The following CPLANE1 variants were observed in gnomAD, a reference collection of about 807,000 sequenced individuals.
CPLANE1 encodes ciliogenesis and planar polarity effector 1.
In CPLANE1, 263 loss-of-function variants were observed where a neutral mutation model predicts 362.5. The ratio of observed to expected loss-of-function variants is 0.73; its 90% CI spans 0.66 to 0.80. The LOEUF (loss-of-function observed/expected upper bound fraction) is 0.80. Ranked by LOEUF, CPLANE1 falls within the 30% of genes least tolerant of loss-of-function variation. The pLI is 0.00. For missense variants in CPLANE1, 3,461 were observed against 3,793.4 expected, an observed-to-expected ratio of 0.91 and a Z score of 2.30; for synonymous variants, 1,212 against 1,302.6, an observed-to-expected ratio of 0.93 and a Z score of 1.50.
chr5:37,135,662 G>A (rs1041985494), intron 46 of CPLANE1, among the ~76,000 whole-genome samples: 2 of 151,978 alleles, frequency 1.3e-5, no homozygotes, highest in African/African-American at 4.8e-5. Context: ...GTGAAACCCT[G>A]TCTCTACTAA....
At chr5:37,081,441 G>A in the CPLANE1 span, among the ~76,000 whole-genome samples, 1 of 152,018 alleles carries the variant, frequency 6.6e-6, no homozygotes, top group African/African-American at 2.4e-5. Context: ...TCCTTGTTCA[G>A]CCTCCGGAGT....
chr5:37,168,508 T>TA lies in CPLANE1; in HGVS notation c.7233+282_7233+283insT, dbSNP rs1778910336. On this transcript the variant is annotated intron_variant, in intron 34 of 52. Coordinates refer to ENST00000651892, the MANE Select transcript of CPLANE1 (RefSeq NM_001384732.1). ...GACCTAAAACCTTTAAAATACACAA[T>TA]TTTTTTTTAATAGAGACAGCTTCTC... Among the ~76,000 whole-genome samples, 3 of 110,386 alleles carry TA rather than the reference T, an allele frequency of 2.7e-5. No homozygotes were observed. The South Asian group carries it at 7.8e-4, about 29-fold the overall frequency. 72.4% of individuals were successfully genotyped at this position (110,386 alleles called of 152,430 possible).
Position 37,195,737 on chromosome 5 carries a change from C to T in CPLANE1, c.3811+121G>A, listed in dbSNP as rs1229169468. On this transcript the variant is annotated intron_variant, in intron 21 of 52. Transcript: ENST00000651892. The stretch of plus-strand genomic sequence containing the variant: ...CATAGCTGTTAAAGTACAATATTTA[C>T]TTGTAAACACAAAGTAAAATATCAG... 4.4e-6 allele frequency: 4 copies of T among 916,558 alleles called. No homozygotes were observed. In the African/African-American group the frequency reaches 6.9e-5, roughly 16 times the overall value. 56.8% of individuals were successfully genotyped at this position (916,558 alleles called of 1,614,324 possible). A position where few individuals can be genotyped will look rare whatever the true frequency, so the allele number is the denominator to read the frequency against.
rs577423113 is a variant in CPLANE1, at chr5:37,142,107, A to G, written c.8632+203T>C. The G allele has an allele frequency of 1.1e-5, 12 of 1,075,416 alleles. No homozygotes were observed. The South Asian group carries it at 5.7e-4, about 51-fold the overall frequency. 66.6% of individuals were successfully genotyped at this position (1,075,416 alleles called of 1,614,324 possible). On this transcript the variant is annotated intron_variant, in intron 44 of 52. Coordinates refer to ENST00000651892, the MANE Select transcript of CPLANE1 (RefSeq NM_001384732.1). ...AATAAGTTACACCAAGATATGATAC[A>G]TAATTGCAGTATGTCTTATGAAGGT...
chr5:37,094,579 C>T, the CPLANE1 span, among the ~76,000 whole-genome samples: 4 of 151,988 alleles, frequency 2.6e-5, no homozygotes, highest in African/African-American at 4.8e-5. Flanking sequence ...AGGAAATAAC[C>T]AAGGTCAAAG....
At chr5:37,076,217 G>A in the CPLANE1 span, among the ~76,000 whole-genome samples, 1 of 150,558 alleles carries the variant, frequency 6.6e-6, no homozygotes, top group Non-Finnish European at 1.5e-5. Context: ...TCACACCACT[G>A]CACTCTAGCC....
chr5:37,120,156 T>C (rs1762229850), intron 50 of CPLANE1, 60 bp downstream of exon 50: 3 of 1,535,520 alleles, frequency 2.0e-6, no homozygotes, highest in Middle Eastern at 1.7e-4. Context: ...AAACACAACT[T>C]TGGAGACAAG....
Position 37,186,320 on chromosome 5 carries a change from A to C in CPLANE1, c.4155T>G (p.Ser1385=), listed in dbSNP as rs7710847. ...VRVPLRDKYH[S]LHQRLRHCVV... Reference sequence around the variant, plus strand: ...CACAGTGTCTGAGTCTCTGGTGAAGAGAGTGATATTTGTCTCTTAAAGGAA... The same window carrying C: ...CACAGTGTCTGAGTCTCTGGTGAAGCGAGTGATATTTGTCTCTTAAAGGAA... Residue 1385 remains serine (S), a synonymous_variant, in exon 24 of 53, where the codon TCT becomes TCG. Coordinates refer to ENST00000651892, the MANE Select transcript of CPLANE1 (RefSeq NM_001384732.1). 6.3e-7 allele frequency: 1 copy of C among 1,594,544 alleles called. No individual in the cohort carries two copies. The highest frequency in any genetic ancestry group is 8.6e-7 in the Non-Finnish European group (1 of 1,162,426).
intron 21 of CPLANE1, among the ~76,000 whole-genome samples, chr5:37,188,862 A>G (rs1481483814): frequency 6.6e-6 from 1 of 151,978 alleles, no homozygotes; most frequent in Non-Finnish European, 1.5e-5. Flanking sequence ...TTATTTTATT[A>G]TGATTATTTT....
At position 37,107,261 on chromosome 5, in the gene CPLANE1, AGAG is replaced by A; in HGVS notation, c.*338_*340del. On this transcript the variant is annotated 3_prime_UTR_variant, in exon 53 of 53. Transcript: ENST00000651892. ...TGTATATGGTTGTTTCTCAAAACTC[AGAG>A]GGTAATAAAGGAGGAGGCAAGATAG... 9.7e-7 allele frequency: 1 copy of A among 1,028,446 alleles called. No homozygotes were observed. 63.7% of individuals were successfully genotyped at this position (1,028,446 alleles called of 1,614,324 possible).
chr5:37,182,712 T>C (rs1782994749), intron 26 of CPLANE1, 48 bp downstream of exon 26: 5 of 1,137,752 alleles, frequency 4.4e-6, no homozygotes, highest in Non-Finnish European at 5.0e-6. Flanking sequence ...AGTTTTAATC[T>C]AAAATGAGAA....
rs1461942415 is a variant in CPLANE1 at position 37,227,039 on chromosome 5, T to C, written c.1556A>G (p.His519Arg). 1.3e-6 allele frequency: 2 copies of C among 1,547,710 alleles called. No individual in the cohort carries two copies. Among genetic ancestry groups the C allele is most frequent in the Admixed American group, 2.0e-5 (1 of 50,252 alleles). Residue 519 changes from histidine (H) to arginine (R), a missense_variant, in exon 12 of 53, where the codon CAC (histidine) becomes CGC (arginine). By Grantham distance (29) the His-to-Arg change is conservative. Around this residue, in one of 2 missense-constraint regions of CPLANE1, gnomAD observed 3,380 missense variants for 3,666.1 expected, o/e 0.92. Transcript: ENST00000651892. ...AAAAGGACATAAGTTGTCTGGAAAG[T>C]GTCTGCCTTCGTTAGTTTCTTCTGC... is the stretch of plus-strand genomic sequence containing the variant. ...FEAEETNEGR[H>R]FPDNLCPFWN...
chr5:37,163,205 T>C (rs761024232), intron 37 of CPLANE1, among the ~76,000 whole-genome samples: 3 of 152,192 alleles, frequency 2.0e-5, no homozygotes, highest in Non-Finnish European at 4.4e-5. Flanking sequence ...TGAGTGGATA[T>C]ACCTAGTAAT....
rs1285375657 is a variant in CPLANE1, at chr5:37,221,305, A to G, written c.2746+19T>C. On this transcript the variant is annotated intron_variant, in intron 15 of 52. Transcript: ENST00000651892. ...CTGTCTCTTTTTAAAAATACAAAGA[A>G]AGAAAAAAAAAAGCATACCTGAAAA... is the stretch of plus-strand genomic sequence containing the variant. The G allele has an allele frequency of 1.4e-6, 2 of 1,468,002 alleles. No individual in the cohort carries two copies. Among genetic ancestry groups the G allele is most frequent in the Non-Finnish European group, 9.0e-7 (1 of 1,107,984 alleles). The allele number at this position is 1,468,002 out of a possible 1,614,324, so 90.9% of individuals were successfully genotyped here. A position where few individuals can be genotyped will look rare whatever the true frequency, so the allele number is the denominator to read the frequency against.
At chr5:37,214,046 T>C (rs1443597553) in intron 15 of CPLANE1, among the ~76,000 whole-genome samples, 4 of 152,094 alleles carry the variant, frequency 2.6e-5, no homozygotes, top group Admixed American at 6.6e-5. Context: ...TTTGTAGGCA[T>C]ACCACATAAC....
chr5:37,184,891 T>G lies in CPLANE1; in HGVS notation c.4378A>C (p.Ser1460Arg), dbSNP rs1388538165. ...RYSLGTSLSR[S>R]TLTELGDSVV... ...GAATCTCCTAGTTCTGTGAGTGTAC[T>G]TCTGCTCAAACTAGTCCCCAGGGAA... The change falls in exon 25 of 53, where the codon AGT becomes CGT. Residue 1460 changes from serine (S) to arginine (R), a missense_variant. By Grantham distance (110) the Ser-to-Arg change is moderately radical (BLOSUM62 -1). Coordinates refer to ENST00000651892, the MANE Select transcript of CPLANE1 (RefSeq NM_001384732.1). The G allele has an allele frequency of 2.5e-6, 4 of 1,614,008 alleles. No homozygotes were observed. Among genetic ancestry groups the G allele is most frequent in the East Asian group, 2.2e-5 (1 of 44,884 alleles).
At position 37,182,829 on chromosome 5, in the gene CPLANE1, A is replaced by G; in HGVS notation, c.5352T>C (p.Ile1784=). ...VIRVKTSTAA[I]LTSLWLLEQP... is the part of the protein sequence containing the mutation. The stretch of plus-strand genomic sequence containing the variant: ...GTTCCAAAAGCCATAATGATGTAAG[A>G]ATGGCAGCTGTAGAGGTCTTTACAC... Residue 1784 remains isoleucine, a synonymous_variant, in exon 26 of 53, where the codon ATT becomes ATC. Coordinates refer to ENST00000651892, the MANE Select transcript of CPLANE1 (RefSeq NM_001384732.1). 6.2e-7 allele frequency: 1 copy of G among 1,613,678 alleles called. No individual in the cohort carries two copies. Among genetic ancestry groups the G allele is most frequent in the Non-Finnish European group, 8.5e-7 (1 of 1,179,882 alleles).
rs960769893 is a variant in CPLANE1 at position 37,164,472 on chromosome 5, T to C, written c.7534-145A>G. On this transcript the variant is annotated intron_variant, in intron 36 of 52. Coordinates refer to ENST00000651892, the MANE Select transcript of CPLANE1 (RefSeq NM_001384732.1). Reference sequence around the variant, plus strand: ...TAGACATAAGTATTCTATCAAATTATTTACTCTATCAAAGTAACTCTACAA... The same window carrying C: ...TAGACATAAGTATTCTATCAAATTACTTACTCTATCAAAGTAACTCTACAA... The C allele has an allele frequency of 8.2e-6, 5 of 609,716 alleles. 1 individual carries two copies. The highest frequency in any genetic ancestry group is 8.8e-6 in the Non-Finnish European group (3 of 341,194). The allele number at this position is 609,716 out of a possible 1,614,324, so 37.8% of individuals were successfully genotyped here.
At position 37,227,264 on chromosome 5, in the gene CPLANE1, A is replaced by G. The variant is rs1796657755; in HGVS notation, c.1500T>C (p.Asn500=). ...GTACCTGAAAATCTGCTGCATTTTC[A>G]TTTATTGTTTCTTCTGCCTGCAAGA... ...PKFLQAEETI[N]ENAADFQDFE... is the part of the protein sequence containing the mutation. Residue 500 remains asparagine (N), a synonymous_variant, in exon 11 of 53, where the codon AAT becomes AAC. Coordinates refer to ENST00000651892, the MANE Select transcript of CPLANE1 (RefSeq NM_001384732.1). 1 of 1,551,300 alleles carries G rather than the reference A, an allele frequency of 6.4e-7. No individual in the cohort carries two copies. Among genetic ancestry groups the G allele is most frequent in the African/African-American group, 1.4e-5 (1 of 73,014 alleles).
Sources: gnomAD v4.1 joint callset for allele counts (sites outside exome capture counted in the v4.1 genomes callset) on GRCh38, gnomAD v4.1.1 for gene constraint, gnomAD v4.1.1 regional missense constraint, MANE v1.5 for transcripts, NCBI Gene and HGNC (gene_info 2026-07-23, HGNC 2026-07-21) for gene names.